Variants in GABRA2 observed in about 807,000 individuals in gnomAD.
GABRA2 encodes gamma-aminobutyric acid receptor subunit alpha-2.
Under a neutral mutation model 48.7 loss-of-function variants are expected in GABRA2, and 16 were observed. That is an observed-to-expected ratio of 0.33 (90% CI 0.22 to 0.50). The LOEUF (loss-of-function observed/expected upper bound fraction) is 0.50. GABRA2 is among the 20% of genes least tolerant of loss of function. GABRA2 has a pLI of 0.98. For missense variants in GABRA2, 275 were observed against 535.6 expected, an observed-to-expected ratio of 0.51 and a Z score of 4.80; for synonymous variants, 185 against 184.5, an observed-to-expected ratio of 1.00 and a Z score of -0.02.
intron 8 of GABRA2, among the ~76,000 whole-genome samples, chr4:46,281,424 G>A (rs189887766): frequency 6.6e-6 from 1 of 152,132 alleles, no homozygotes; most frequent in African/African-American, 2.4e-5. Context: ...AGGGGCTCTG[G>A]GAAAAGATAG....
At position 46,250,462 on chromosome 4, in the gene GABRA2, T is replaced by G. The variant is rs768454880; in HGVS notation, c.1202A>C (p.Glu401Ala). 5.6e-6 allele frequency: 9 copies of G among 1,612,054 alleles called. No individual in the cohort carries two copies. The East Asian group carries it at 1.1e-4, about 20-fold the overall frequency. Residue 401 changes from glutamate (E) to alanine (A), a missense_variant, in exon 10 of 10, where the codon GAA (glutamate) becomes GCA (alanine). By Grantham distance (107) the Glu-to-Ala change is moderately radical. Coordinates refer to ENST00000381620, the MANE Select transcript of GABRA2 (RefSeq NM_000807.4). ...TTTCTTTGCTTCAGCTGGCTTGTTT[T>G]CTGGCTTCTTGTTGGGTTCTGGCGT... is the stretch of plus-strand genomic sequence containing the variant. ...ATTPEPNKKP[E>A]NKPAEAKKTF... is the part of the protein sequence containing the mutation.
intron 3 of GABRA2, among the ~76,000 whole-genome samples, chr4:46,335,856 A>G (rs1732138460): frequency 6.6e-6 from 1 of 152,088 alleles, no homozygotes; most frequent in Non-Finnish European, 1.5e-5. Context: ...TCTTTGGTTA[A>G]CTGCTCCTTT....
chr4:46,263,907 A>G lies in GABRA2; in HGVS notation c.857-1779T>C, dbSNP rs1387811619. Among the ~76,000 whole-genome samples the G allele has an allele frequency of 2.2e-5, 3 of 136,298 alleles. No individual in the cohort carries two copies. The East Asian group carries it at 6.6e-4, about 30-fold the overall frequency. 89.4% of individuals were successfully genotyped at this position (136,298 alleles called of 152,430 possible). ...TGAACACAGGATATATTTCCATTAG[A>G]TCAATTCTCTCTCTCTCTCTCTCTC... On this transcript the variant is annotated intron_variant, in intron 8 of 9. Coordinates refer to ENST00000381620, the MANE Select transcript of GABRA2 (RefSeq NM_000807.4).
intron 4 of GABRA2, among the ~76,000 whole-genome samples, chr4:46,326,941 T>C (rs2109782447): frequency 6.6e-6 from 1 of 151,922 alleles, no homozygotes; most frequent in Middle Eastern, 3.4e-3. Flanking sequence ...TTCCCCAAGA[T>C]GTCATTCTAT....
intron 9 of GABRA2, chr4:46,256,424 T>A (rs946457876): frequency 4.2e-6 from 2 of 471,838 alleles, no homozygotes; most frequent in Non-Finnish European, 7.6e-6. Context: ...TTGGGAAAAA[T>A]TTGACATCAC....
At chr4:46,251,589 T>C (rs894649742) in intron 9 of GABRA2, among the ~76,000 whole-genome samples, 4 of 151,444 alleles carry the variant, frequency 2.6e-5, no homozygotes, top group Non-Finnish European at 4.4e-5. Flanking sequence ...ACCAATTCTT[T>C]CTCTTATTTT....
intron 8 of GABRA2, among the ~76,000 whole-genome samples, chr4:46,281,317 T>A (rs924544125): frequency 5.3e-5 from 8 of 151,992 alleles, no homozygotes; most frequent in African/African-American, 1.9e-4. Flanking sequence ...CACACAGAAA[T>A]GGCAGAAAGT....
chr4:46,363,064 C>A (rs1713466650), intron 3 of GABRA2, among the ~76,000 whole-genome samples: 1 of 152,096 alleles, frequency 6.6e-6, no homozygotes, highest in African/African-American at 2.4e-5. Context: ...CTTGATTTTT[C>A]TTTCTCTAAC....
rs574832123 is a variant in GABRA2 at position 46,323,277 on chromosome 4, G to A, written c.255+9338C>T. Among the ~76,000 whole-genome samples, 39 of 151,982 alleles carry A rather than the reference G, an allele frequency of 2.6e-4. No individual in the cohort carries two copies. In the Middle Eastern group the frequency reaches 0.01, roughly 40 times the overall value. On this transcript the variant is annotated intron_variant, in intron 4 of 9. Transcript: ENST00000381620. ...CTAATCTCTCCCAAAATTCCTAAGA[G>A]CATTCTAGGCTCCAGTTATACTGAA...
At chr4:46,350,924 A>C (rs1167925732) in intron 3 of GABRA2, among the ~76,000 whole-genome samples, 1 of 151,872 alleles carries the variant, frequency 6.6e-6, no homozygotes, top group Non-Finnish European at 1.5e-5. Context: ...AGGAGGTAAG[A>C]GATAGGGGGA....
At chr4:46,319,401 G>A (rs957176422) in intron 4 of GABRA2, among the ~76,000 whole-genome samples, 5 of 151,632 alleles carry the variant, frequency 3.3e-5, no homozygotes, top group African/African-American at 1.2e-4. Flanking sequence ...ATTCCAATCA[G>A]TGTGTTTCTT....
chr4:46,318,669 C>T (rs1474112583), intron 4 of GABRA2, among the ~76,000 whole-genome samples: 3 of 151,604 alleles, frequency 2.0e-5, no homozygotes, highest in African/African-American at 7.2e-5. Context: ...TTCATACAAA[C>T]TTAAAGGCTT....
chr4:46,314,471 T>C (rs1047052174), intron 4 of GABRA2, among the ~76,000 whole-genome samples: 1 of 152,068 alleles, frequency 6.6e-6, no homozygotes, highest in Non-Finnish European at 1.5e-5. Flanking sequence ...TGATGTATTT[T>C]ACTTATTTAT....
chr4:46,372,788 A>G (rs1216061455), intron 3 of GABRA2, among the ~76,000 whole-genome samples: 1 of 152,122 alleles, frequency 6.6e-6, no homozygotes, highest in African/African-American at 2.4e-5. Context: ...ATCCTTTTCT[A>G]ATGTCTTCAG....
At chr4:46,296,656 G>GAAAAAA (rs981486686) in intron 8 of GABRA2, among the ~76,000 whole-genome samples, 1 of 136,598 alleles carries the variant, frequency 7.3e-6, no homozygotes, top group Non-Finnish European at 1.5e-5. Context: ...CTATCAGGGG[G>GAAAAAA]AAAAAAAAAA....
At chr4:46,347,348 T>C (rs1376887812) in intron 3 of GABRA2, among the ~76,000 whole-genome samples, 1 of 151,882 alleles carries the variant, frequency 6.6e-6, no homozygotes, top group Non-Finnish European at 1.5e-5. Flanking sequence ...AAATACATTA[T>C]AAAGTTATAG....
At chr4:46,290,377 A>G (rs1045847798) in intron 8 of GABRA2, among the ~76,000 whole-genome samples, 1 of 151,628 alleles carries the variant, frequency 6.6e-6, no homozygotes, top group African/African-American at 2.4e-5. Flanking sequence ...TTGCTGTTTT[A>G]ACAGTATTAA....
intron 6 of GABRA2, among the ~76,000 whole-genome samples, chr4:46,309,895 TAC>T (rs1227401218): frequency 6.6e-6 from 1 of 152,086 alleles, no homozygotes; most frequent in African/African-American, 2.4e-5. Flanking sequence ...GAAGGTAAAT[TAC>T]AGTCCTAACC....
chr4:46,354,441 A>C (rs575808450), intron 3 of GABRA2, among the ~76,000 whole-genome samples: 68 of 152,192 alleles, frequency 4.5e-4, no homozygotes, highest in Non-Finnish European at 8.7e-4. Context: ...ATGTTTCAAA[A>C]CAAGACACTG....
Sources: gnomAD v4.1 joint callset for allele counts (sites outside exome capture counted in the v4.1 genomes callset) on GRCh38, gnomAD v4.1.1 for gene constraint, MANE v1.5 for transcripts, NCBI Gene and HGNC (gene_info 2026-07-23, HGNC 2026-07-21) for gene names.